The following ZFP14 variants were observed in gnomAD, a reference collection of about 807,000 sequenced individuals.
ZFP14 encodes ZFP14 zinc finger protein.
Under a neutral mutation model 54.5 loss-of-function variants are expected in ZFP14, and 22 were observed. That is an observed-to-expected ratio of 0.40 (90% CI 0.29 to 0.58). The LOEUF (loss-of-function observed/expected upper bound fraction) is 0.58, where lower values mean the gene tolerates loss of function less well. Among genes scored for constraint, ZFP14 ranks in the 20% least tolerant of loss-of-function variants. The pLI, the probability that ZFP14 is intolerant of heterozygous loss-of-function variation, is 0.39. For missense variants in ZFP14, 470 were observed against 637.8 expected, an observed-to-expected ratio of 0.74 and a Z score of 2.83; for synonymous variants, 159 against 204.0, an observed-to-expected ratio of 0.78 and a Z score of 1.88.
Position 36,341,445 on chromosome 19 carries a change from G to T in ZFP14, c.381C>A (p.Ser127Arg). 6.2e-7 allele frequency: 1 copy of T among 1,613,874 alleles called. No individual in the cohort carries two copies. Among genetic ancestry groups the T allele is most frequent in the Non-Finnish European group, 8.5e-7 (1 of 1,180,006 alleles). The change falls in exon 5 of 5, where the codon AGC becomes AGA. Residue 127 changes from serine to arginine, a missense_variant. By Grantham distance (110) the Ser-to-Arg change is moderately radical. Transcript: ENST00000270001. The surrounding 1 kb of genome is among the most constrained non-coding windows in gnomAD (Gnocchi z 4.2). ...GTTGTTCCTTTTCCCCCTCAATCTT[G>T]CTTTTGCATTCCCAATCATTCCTAA... ...SIFRNDWECK[S>R]KIEGEKEQQE...
At position 36,338,430 on chromosome 19, in the gene ZFP14, A is replaced by T. The variant is rs1265180210; in HGVS notation, c.*1794T>A. ...GCTGGGTGTGGTGGCTCATACCTGT[A>T]ACCCCAGCACCTTTGGAGGCCAAGG... is the stretch of plus-strand genomic sequence containing the variant. On this transcript the variant is annotated 3_prime_UTR_variant, in exon 5 of 5. Transcript: ENST00000270001. 1 of 152,024 alleles carries T rather than the reference A, an allele frequency of 6.6e-6. No individual in the cohort carries two copies. Among genetic ancestry groups the T allele is most frequent in the East Asian group, 1.9e-4 (1 of 5,170 alleles). The allele number at this position is 152,024 out of a possible 1,614,324, so 9.4% of individuals were successfully genotyped here.
Position 36,357,336 on chromosome 19 carries a change from C to A in ZFP14, c.235+3099G>T, listed in dbSNP as rs550130277. ...AGGATTACAGATGTAAGCCACTGCG[C>A]CCGGTCTGATTTTTTTATTTTTATG... is the stretch of plus-strand genomic sequence containing the variant. On this transcript the variant is annotated intron_variant, in intron 4 of 4. Coordinates refer to ENST00000270001, the MANE Select transcript of ZFP14 (RefSeq NM_020917.3). 2.0e-5 allele frequency among the ~76,000 whole-genome samples: 3 copies of A among 152,308 alleles called. No homozygotes were observed. In the South Asian group the frequency reaches 6.2e-4, roughly 32 times the overall value.
intron 4 of ZFP14, among the ~76,000 whole-genome samples, chr19:36,358,704 T>C (rs1359927682): frequency 6.6e-6 from 1 of 152,180 alleles, no homozygotes; most frequent in East Asian, 1.9e-4. Flanking sequence ...ATGTTGGATT[T>C]TGTCATATGC....
At chr19:36,346,518 C>T (rs1006494352) in intron 4 of ZFP14, among the ~76,000 whole-genome samples, 2 of 151,690 alleles carry the variant, frequency 1.3e-5, no homozygotes, top group Non-Finnish European at 2.9e-5. Flanking sequence ...TGTAGTGTGG[C>T]GCAGTCTCAG....
chr19:36,369,226 A>G lies in ZFP14; in HGVS notation c.-79-1255T>C, dbSNP rs144358211. On this transcript the variant is annotated intron_variant, in intron 1 of 4. Transcript: ENST00000270001. ...TCAACAATATTCATTGAGAACCTCT[A>G]TGTGTTGGGTACTTCATACACATTG... is the stretch of plus-strand genomic sequence containing the variant. Among the ~76,000 whole-genome samples, 45 of 152,192 alleles carry G rather than the reference A, an allele frequency of 3.0e-4. 1 individual carries two copies. The East Asian group carries it at 6.6e-3, about 22-fold the overall frequency.
At chr19:36,353,495 T>C (rs2031562770) in intron 4 of ZFP14, among the ~76,000 whole-genome samples, 1 of 139,864 alleles carries the variant, frequency 7.1e-6, no homozygotes, top group South Asian at 2.3e-4. Flanking sequence ...GGTCAGGCGT[T>C]CGAGACCAGC....
At chr19:36,373,221 G>A (rs1248155453) in intron 1 of ZFP14, among the ~76,000 whole-genome samples, 1 of 151,584 alleles carries the variant, frequency 6.6e-6, no homozygotes, top group Non-Finnish European at 1.5e-5. Flanking sequence ...AGGTTGTGGT[G>A]AGCCGAGATG....
chr19:36,370,383 T>C (rs1341159631), intron 1 of ZFP14, among the ~76,000 whole-genome samples: 1 of 152,158 alleles, frequency 6.6e-6, no homozygotes, highest in East Asian at 1.9e-4. Flanking sequence ...TCCAGGCCAG[T>C]AGCCACAGAC....
At chr19:36,376,358 C>T (rs2945969) in intron 1 of ZFP14, among the ~76,000 whole-genome samples, 10 of 151,996 alleles carry the variant, frequency 6.6e-5, no homozygotes, top group African/African-American at 2.4e-4. Context: ...CCAGCCTGGC[C>T]AACATAGTGA....
Position 36,340,204 on chromosome 19 carries a change from C to T in ZFP14, c.*20G>A, listed in dbSNP as rs1184685725. 2.0e-6 allele frequency: 3 copies of T among 1,535,738 alleles called. No individual in the cohort carries two copies. The highest frequency in any genetic ancestry group is 1.7e-6 in the Non-Finnish European group (2 of 1,143,706). ...TTCTGATGTTCTGTAACATCATATACATTTGAAGGCTTTCTTCTATTAAAT... is the reference window on the plus strand; with the variant it reads ...TTCTGATGTTCTGTAACATCATATATATTTGAAGGCTTTCTTCTATTAAAT... On this transcript the variant is annotated 3_prime_UTR_variant, in exon 5 of 5. Transcript: ENST00000270001. The surrounding 1 kb of genome is among the most constrained non-coding windows in gnomAD (Gnocchi z 5.4).
intron 4 of ZFP14, among the ~76,000 whole-genome samples, chr19:36,354,109 A>C (rs1404189019): frequency 7.3e-6 from 1 of 136,242 alleles, no homozygotes; most frequent in Non-Finnish European, 1.6e-5. Flanking sequence ...ACAGTGGCTC[A>C]TATCTGTAAT....
In ZFP14 at chr19:36,338,709, T is replaced by C. The variant is rs2031252304; in HGVS notation, c.*1515A>G. 6.6e-6 allele frequency: 1 copy of C among 152,160 alleles called. No homozygotes were observed. The highest frequency in any genetic ancestry group is 2.4e-5 in the African/African-American group (1 of 41,436). The allele number at this position is 152,160 out of a possible 1,614,324, so 9.4% of individuals were successfully genotyped here. A position where few individuals can be genotyped will look rare whatever the true frequency, so the allele number is the denominator to read the frequency against. On this transcript the variant is annotated 3_prime_UTR_variant, in exon 5 of 5. Transcript: ENST00000270001. ...ATTATGCAGCCACAATCAAGTAAACTATCAAATTATTGGTGGGATCACATC... is the reference window on the plus strand; with the variant it reads ...ATTATGCAGCCACAATCAAGTAAACCATCAAATTATTGGTGGGATCACATC...
At chr19:36,354,280 A>C (rs1047008154) in intron 4 of ZFP14, among the ~76,000 whole-genome samples, 1 of 136,106 alleles carries the variant, frequency 7.3e-6, no homozygotes, top group African/African-American at 2.7e-5. Context: ...CTGAGACAGG[A>C]GTATCGCCTG....
At chr19:36,346,861 T>C (rs966682621) in intron 4 of ZFP14, among the ~76,000 whole-genome samples, 4 of 152,214 alleles carry the variant, frequency 2.6e-5, no homozygotes, top group African/African-American at 7.2e-5. Context: ...CCTTGCAAGG[T>C]AGAGATAACG....
intron 4 of ZFP14, among the ~76,000 whole-genome samples, chr19:36,349,692 T>G (rs2031491782): frequency 6.9e-6 from 1 of 145,496 alleles, no homozygotes; most frequent in Non-Finnish European, 1.5e-5. Context: ...TATATATATA[T>G]ATAATATATA....
intron 1 of ZFP14, chr19:36,377,972 T>A (rs2031989843): frequency 6.6e-6 from 1 of 152,226 alleles, no homozygotes; most frequent in Non-Finnish European, 1.5e-5. Context: ...GACAGGACAT[T>A]TCAGGGGTTA....
chr19:36,371,044 C>T (rs1012016429), intron 1 of ZFP14, among the ~76,000 whole-genome samples: 5 of 152,000 alleles, frequency 3.3e-5, no homozygotes, highest in South Asian at 2.1e-4. Context: ...AGGCGGATCA[C>T]GAGGTCAGGA....
At position 36,367,940 on chromosome 19, in the gene ZFP14, T is replaced by C. The variant is rs565469311; in HGVS notation, c.-48A>G. On this transcript the variant is annotated 5_prime_UTR_variant, in exon 2 of 5. Transcript: ENST00000270001. ...GTCAGTCCTTTTCAAGATTTCTCTGTTGGAGAACTATGGAGTCCTGATAAG... is the reference window on the plus strand; with the variant it reads ...GTCAGTCCTTTTCAAGATTTCTCTGCTGGAGAACTATGGAGTCCTGATAAG... 2 of 1,599,386 alleles carry C rather than the reference T, an allele frequency of 1.3e-6. No individual in the cohort carries two copies. Among genetic ancestry groups the C allele is most frequent in the Non-Finnish European group, 1.7e-6 (2 of 1,172,098 alleles).
chr19:36,345,560 G>C (rs2031399475), intron 4 of ZFP14, among the ~76,000 whole-genome samples: 1 of 152,180 alleles, frequency 6.6e-6, no homozygotes, highest in Non-Finnish European at 1.5e-5. Flanking sequence ...AATGCTGAAT[G>C]AAGTAAGCAA....
Sources: gnomAD v4.1 joint callset for allele counts (sites outside exome capture counted in the v4.1 genomes callset) on GRCh38, gnomAD v4.1.1 for gene constraint, Gnocchi (gnomAD v3.1) non-coding constraint, MANE v1.5 for transcripts, NCBI Gene and HGNC (gene_info 2026-07-23, HGNC 2026-07-21) for gene names.